Variants in ZNF367 observed in about 807,000 individuals in gnomAD.
ZNF367 encodes zinc finger protein 367.
A neutral mutation model predicts 31.8 loss-of-function variants in ZNF367; 11 were observed. The observed-to-expected ratio is 0.35, with a 90% CI of 0.22 to 0.57. The LOEUF (loss-of-function observed/expected upper bound fraction) is 0.57. Ranked by LOEUF, ZNF367 falls within the 20% of genes least tolerant of loss-of-function variation. ZNF367 has a pLI of 0.85. For synonymous variants in ZNF367, 199 were observed against 202.4 expected, an observed-to-expected ratio of 0.98 and a Z score of 0.14; for missense variants, 353 against 484.1, an observed-to-expected ratio of 0.73 and a Z score of 2.54.
At chr9:96,412,697 C>CTTTTTTTTTTTTTTTTTTTTTTT in intron 1 of ZNF367, among the ~76,000 whole-genome samples, 1 of 133,800 alleles carries the variant, frequency 7.5e-6, no homozygotes, top group Non-Finnish European at 1.6e-5. Flanking sequence ...TTTTTCTTTT[C>CTTTTTTTTTTTTTTTTTTTTTTT]TTTTTTTTTT....
At chr9:96,401,815 G>A (rs535990118) in intron 1 of ZNF367, among the ~76,000 whole-genome samples, 2 of 149,136 alleles carry the variant, frequency 1.3e-5, no homozygotes, top group Non-Finnish European at 3.0e-5. Context: ...CAGACAGTGT[G>A]AGATGCCATC....
chr9:96,415,694 C>CTACTAA (rs1299221823), intron 1 of ZNF367, among the ~76,000 whole-genome samples: 10 of 151,618 alleles, frequency 6.6e-5, no homozygotes, highest in East Asian at 3.9e-4. Context: ...GACAGGGTTT[C>CTACTAA]ACCATGTTGG....
chr9:96,416,087 G>GTTTTTTTTTTTTTTT (rs34500193), intron 1 of ZNF367, among the ~76,000 whole-genome samples: 2 of 125,060 alleles, frequency 1.6e-5, no homozygotes, highest in East Asian at 2.3e-4. Flanking sequence ...TTTTTTTGTT[G>GTTTTTTTTTTTTTTT]TTTTTTTTTT....
intron 3 of ZNF367, among the ~76,000 whole-genome samples, chr9:96,393,877 A>C (rs549985241): frequency 6.6e-6 from 1 of 152,336 alleles, no homozygotes; most frequent in South Asian, 2.1e-4. Context: ...AGAGGAAACC[A>C]TTGCATATAG....
At chr9:96,404,371 G>C (rs1356232155) in intron 1 of ZNF367, among the ~76,000 whole-genome samples, 1 of 151,986 alleles carries the variant, frequency 6.6e-6, no homozygotes, top group East Asian at 1.9e-4. Context: ...GAGGCGAGTG[G>C]ATTACGAGGT....
intron 1 of ZNF367, among the ~76,000 whole-genome samples, chr9:96,414,266 G>T (rs1831789225): frequency 6.6e-6 from 1 of 152,086 alleles, no homozygotes; most frequent in African/African-American, 2.4e-5. Context: ...TTTTGGAGCT[G>T]CATGTGGATT....
chr9:96,412,829 G>C (rs539529369), intron 1 of ZNF367, among the ~76,000 whole-genome samples: 3 of 151,374 alleles, frequency 2.0e-5, no homozygotes, highest in African/African-American at 7.3e-5. Flanking sequence ...CCGAGTAGCC[G>C]GGACTATAGG....
At position 96,417,895 on chromosome 9, in the gene ZNF367, ACCGC is replaced by A; in HGVS notation, c.134_137del (p.Gly45ValfsTer35). Reference sequence around the variant, plus strand: ...GCGGCGGCGGCTCCGGCTCCCCTCCACCGCCGCACGTTGGCTTGATCGGGGTCGT... The same window carrying A: ...GCGGCGGCGGCTCCGGCTCCCCTCCACGCACGTTGGCTTGATCGGGGTCGT... On this transcript the variant is annotated frameshift_variant, in exon 1 of 5. Coordinates refer to ENST00000375256, the MANE Select transcript of ZNF367 (RefSeq NM_153695.4). LOFTEE classifies it high-confidence loss of function. This position sits in a 1 kb window ranked among gnomAD's most constrained non-coding sequence, Gnocchi z 5.0. 7 of 1,498,584 alleles carry A rather than the reference ACCGC, an allele frequency of 4.7e-6. No homozygotes were observed. The highest frequency in any genetic ancestry group is 6.2e-6 in the Non-Finnish European group (7 of 1,131,012). 92.8% of individuals were successfully genotyped at this position (1,498,584 alleles called of 1,614,324 possible).
At chr9:96,410,375 C>T (rs1354702439) in intron 1 of ZNF367, among the ~76,000 whole-genome samples, 2 of 150,478 alleles carry the variant, frequency 1.3e-5, no homozygotes, top group Non-Finnish European at 3.0e-5. Context: ...TCCTGGCTAA[C>T]ACGGTGAAAT....
At chr9:96,390,726 A>G (rs1831462298) in intron 4 of ZNF367, among the ~76,000 whole-genome samples, 1 of 151,964 alleles carries the variant, frequency 6.6e-6, no homozygotes, top group African/African-American at 2.4e-5. Flanking sequence ...TCTACAAAAA[A>G]CTTAAAAATT....
At position 96,408,759 on chromosome 9, in the gene ZNF367, G is replaced by T. The variant is rs187599121; in HGVS notation, c.420+8854C>A. Among the ~76,000 whole-genome samples, 624 of 152,220 alleles carry T rather than the reference G, an allele frequency of 4.1e-3. 5 individuals are homozygous for T. The highest frequency in any genetic ancestry group is 5.2e-3 in the South Asian group (25 of 4,826). On this transcript the variant is annotated intron_variant, in intron 1 of 4. Transcript: ENST00000375256. ...ATGGTTAAGGTAGAAAATATTATCGGGTTTTTGCCACAATTTTTAAAATGT... is the reference window on the plus strand; with the variant it reads ...ATGGTTAAGGTAGAAAATATTATCGTGTTTTTGCCACAATTTTTAAAATGT...
chr9:96,394,272 G>T (rs1311088024), intron 3 of ZNF367, among the ~76,000 whole-genome samples: 1 of 152,116 alleles, frequency 6.6e-6, no homozygotes, highest in Non-Finnish European at 1.5e-5. Context: ...TTATTTGTGG[G>T]ATCTAAATAT....
chr9:96,401,089 G>A (rs1326276053), intron 1 of ZNF367, among the ~76,000 whole-genome samples: 7 of 152,126 alleles, frequency 4.6e-5, no homozygotes, highest in Non-Finnish European at 8.8e-5. Flanking sequence ...ATCCAAGTGT[G>A]GGGGTACACG....
chr9:96,401,346 C>T (rs978133525), intron 1 of ZNF367, among the ~76,000 whole-genome samples: 3 of 151,840 alleles, frequency 2.0e-5, no homozygotes, highest in Non-Finnish European at 2.9e-5. Flanking sequence ...ACCAACATGG[C>T]GAAACCCTGC....
intron 1 of ZNF367, among the ~76,000 whole-genome samples, chr9:96,408,188 G>A (rs1232144663): frequency 1.3e-5 from 2 of 152,024 alleles, no homozygotes; most frequent in African/African-American, 4.8e-5. Context: ...TTGTGCACAT[G>A]TACCCTAGAA....
chr9:96,396,835 T>C (rs1330488398), intron 2 of ZNF367, among the ~76,000 whole-genome samples: 2 of 152,058 alleles, frequency 1.3e-5, no homozygotes, highest in Non-Finnish European at 2.9e-5. Context: ...ACCTGGCTAA[T>C]TTTGTATTTT....
intron 1 of ZNF367, among the ~76,000 whole-genome samples, chr9:96,406,847 A>T (rs1831676364): frequency 6.6e-6 from 1 of 151,674 alleles, no homozygotes; most frequent in African/African-American, 2.4e-5. Context: ...AAAAAAATAC[A>T]AAAAATTAGC....
At chr9:96,388,957 T>C (rs911486388) in intron 4 of ZNF367, among the ~76,000 whole-genome samples, 1 of 152,216 alleles carries the variant, frequency 6.6e-6, no homozygotes, top group African/African-American at 2.4e-5. Context: ...GGCCAACTGA[T>C]AATTTACAAG....
chr9:96,392,532 G>A lies in ZNF367; in HGVS notation c.696C>T (p.Cys232=). The part of the protein sequence containing the change: ...EKPFVCSENG[C]LSRFTHANRH... ...GGTTTGCATGGGTGAATCTGCTCAG[G>A]CAGCCTTCAAAACACAAGGTTAACA... is the stretch of plus-strand genomic sequence containing the variant. Residue 232 remains cysteine, a synonymous_variant, in exon 4 of 5, where the codon TGC becomes TGT. Transcript: ENST00000375256. 1 of 1,601,530 alleles carries A rather than the reference G, an allele frequency of 6.2e-7. No individual in the cohort carries two copies. The highest frequency in any genetic ancestry group is 8.5e-7 in the Non-Finnish European group (1 of 1,169,722).
Sources: gnomAD v4.1 joint callset for allele counts (sites outside exome capture counted in the v4.1 genomes callset) on GRCh38, gnomAD v4.1.1 for gene constraint, Gnocchi (gnomAD v3.1) non-coding constraint, MANE v1.5 for transcripts, NCBI Gene and HGNC (gene_info 2026-07-23, HGNC 2026-07-21) for gene names.